The following LYSMD1 variants were observed in gnomAD, a reference collection of about 807,000 sequenced individuals.
LYSMD1 encodes lysM and putative peptidoglycan-binding domain-containing protein 1.
LYSMD1 carries 9 observed loss-of-function variants against 19.3 expected under a neutral mutation model. The ratio of observed to expected loss-of-function variants is 0.47; its 90% CI spans 0.28 to 0.81. The LOEUF (loss-of-function observed/expected upper bound fraction) is 0.81, where lower values mean the gene tolerates loss of function less well. Ranked by LOEUF, LYSMD1 falls within the 40% of genes least tolerant of loss-of-function variation. The pLI, the probability that LYSMD1 is intolerant of heterozygous loss-of-function variation, is 0.11. For synonymous variants in LYSMD1, 111 were observed against 111.7 expected, an observed-to-expected ratio of 0.99 and a Z score of 0.04; for missense variants, 262 against 279.8, an observed-to-expected ratio of 0.94 and a Z score of 0.45.
chr1:151,150,065 A>G, the LYSMD1 span, among the ~76,000 whole-genome samples: 2 of 151,994 alleles, frequency 1.3e-5, no homozygotes, highest in African/African-American at 4.8e-5. Context: ...CTGGTTGTCT[A>G]TCTTGCTCAA....
the LYSMD1 span, among the ~76,000 whole-genome samples, chr1:151,148,721 C>T: frequency 6.6e-6 from 1 of 152,148 alleles, no homozygotes; most frequent in South Asian, 2.1e-4. Flanking sequence ...TCCCGAGGGA[C>T]ACAGCTTCAG....
chr1:151,158,796 G>A (rs747434271), downstream of LYSMD1: 5 of 1,614,118 alleles, frequency 3.1e-6, no homozygotes, highest in East Asian at 4.5e-5. Context: ...TCATAGATGA[G>A]ACAAGCAGTG....
chr1:151,154,496 A>AAG, the LYSMD1 span, among the ~76,000 whole-genome samples: 5 of 146,868 alleles, frequency 3.4e-5, no homozygotes, highest in African/African-American at 1.3e-4. Context: ...AAAAGAAAGA[A>AAG]AGAGAGAGAG....
chr1:151,159,224 G>A, downstream of LYSMD1: 1 of 1,613,480 alleles, frequency 6.2e-7, no homozygotes. Flanking sequence ...GACGGACTCA[G>A]GAAGCTGCTA....
At chr1:151,158,667 G>A, downstream of LYSMD1, 1 of 1,533,410 alleles carries the variant, frequency 6.5e-7, no homozygotes, top group South Asian at 1.2e-5. Flanking sequence ...TTCTTCTAGT[G>A]ACTGACCACA....
Position 151,165,170 on chromosome 1 carries a change from G to T in LYSMD1, c.89C>A (p.Ser30Ter), listed in dbSNP as rs201501688. The change falls in exon 1 of 3, where the codon TCG (serine) becomes TAG (stop). Residue 30 changes from serine to a stop codon, truncating the protein, a stop_gained. Coordinates refer to ENST00000368908, the MANE Select transcript of LYSMD1 (RefSeq NM_212551.5). LOFTEE classifies it high-confidence loss of function. ...RARSYGSLVQ[S>*]ACSPVRERRL... is the part of the protein sequence containing the mutation. ...TCTTTCCCTCACTGGGGAGCAGGCC[G>T]ATTGCACCAGGCTTCCATATGAACG... 1.5e-5 allele frequency: 24 copies of T among 1,614,060 alleles called. No homozygotes were observed. Among genetic ancestry groups the T allele is most frequent in the Non-Finnish European group, 2.0e-5 (24 of 1,180,036 alleles).
chr1:151,151,264 A>G, the LYSMD1 span, among the ~76,000 whole-genome samples: 2 of 151,320 alleles, frequency 1.3e-5, no homozygotes, highest in Admixed American at 1.3e-4. Context: ...CACTCGGCTC[A>G]CTGCAAGTTC....
At chr1:151,159,105 G>C, downstream of LYSMD1, 1 of 1,614,078 alleles carries the variant, frequency 6.2e-7, no homozygotes, top group Non-Finnish European at 8.5e-7. Context: ...ACCACCTCAC[G>C]CCCAAGTCAC....
chr1:151,151,446 G>A, the LYSMD1 span, among the ~76,000 whole-genome samples: 315 of 149,404 alleles, frequency 2.1e-3, no homozygotes, highest in African/African-American at 7.3e-3. Context: ...TGATCCGCCC[G>A]CCTGGGCCTC....
Position 151,160,832 on chromosome 1 carries a change from CT to C in LYSMD1, c.*49del. 6.3e-7 allele frequency: 1 copy of C among 1,588,668 alleles called. No individual in the cohort carries two copies. Among genetic ancestry groups the C allele is most frequent in the Non-Finnish European group, 8.6e-7 (1 of 1,159,964 alleles). Reference sequence around the variant, plus strand: ...AGCCTCACCTCAGGCTCCTCTCCCCCTGAAGTTTCTCTTTCAACATCTTGCT... The same window carrying C: ...AGCCTCACCTCAGGCTCCTCTCCCCCGAAGTTTCTCTTTCAACATCTTGCT... On this transcript the variant is annotated 3_prime_UTR_variant, in exon 3 of 3. Transcript: ENST00000368908.
downstream of LYSMD1, chr1:151,159,164 T>TC (rs751425664): frequency 1.2e-6 from 2 of 1,614,210 alleles, no homozygotes; most frequent in East Asian, 4.5e-5. Flanking sequence ...CCAGGTCTGC[T>TC]CACGGCCCTC....
In LYSMD1 at chr1:151,165,481, C is replaced by T; in HGVS notation, c.-223G>A. 3 of 1,438,230 alleles carry T rather than the reference C, an allele frequency of 2.1e-6. No homozygotes were observed. Among genetic ancestry groups the T allele is most frequent in the Non-Finnish European group, 2.7e-6 (3 of 1,102,452 alleles). The allele number at this position is 1,438,230 out of a possible 1,614,324, so 89.1% of individuals were successfully genotyped here. On this transcript the variant is annotated 5_prime_UTR_variant, in exon 1 of 3. Transcript: ENST00000368908. Reference sequence around the variant, plus strand: ...CTGTCCCTTGAGTATTCAGTCCCTCCCTAATTCTCCCCTAAGCACCCCTCC... The same window carrying T: ...CTGTCCCTTGAGTATTCAGTCCCTCTCTAATTCTCCCCTAAGCACCCCTCC...
the LYSMD1 span, among the ~76,000 whole-genome samples, chr1:151,153,244 T>A: frequency 6.6e-6 from 1 of 152,152 alleles, no homozygotes; most frequent in East Asian, 1.9e-4. Flanking sequence ...TCCTGTAATC[T>A]CAGCACTTTG....
Position 151,165,457 on chromosome 1 carries a change from T to A in LYSMD1, c.-199A>T, listed in dbSNP as rs1683646748. 7.0e-7 allele frequency: 1 copy of A among 1,428,850 alleles called. No homozygotes were observed. Among genetic ancestry groups the A allele is most frequent in the Non-Finnish European group, 9.1e-7 (1 of 1,096,722 alleles). 88.5% of individuals were successfully genotyped at this position (1,428,850 alleles called of 1,614,324 possible). A position where few individuals can be genotyped will look rare whatever the true frequency, so the allele number is the denominator to read the frequency against. ...CCTCCAAGCTACTTATCCACAAATCTGTCCCTTGAGTATTCAGTCCCTCCC... is the reference window on the plus strand; with the variant it reads ...CCTCCAAGCTACTTATCCACAAATCAGTCCCTTGAGTATTCAGTCCCTCCC... On this transcript the variant is annotated 5_prime_UTR_variant, in exon 1 of 3. Coordinates refer to ENST00000368908, the MANE Select transcript of LYSMD1 (RefSeq NM_212551.5).
intron 2 of LYSMD1, 103 bp downstream of exon 2, chr1:151,161,633 C>T: frequency 7.0e-7 from 1 of 1,436,180 alleles, no homozygotes; most frequent in Non-Finnish European, 9.4e-7. Context: ...TATCACCTTG[C>T]CTCTGTTGGC....
In LYSMD1 at chr1:151,160,758, G is replaced by A; in HGVS notation, c.*124C>T. 2.4e-6 allele frequency: 3 copies of A among 1,246,260 alleles called. No individual in the cohort carries two copies. Among genetic ancestry groups the A allele is most frequent in the South Asian group, 1.5e-5 (1 of 65,490 alleles). 77.2% of individuals were successfully genotyped at this position (1,246,260 alleles called of 1,614,324 possible). A position where few individuals can be genotyped will look rare whatever the true frequency, so the allele number is the denominator to read the frequency against. ...GAATTTTTGGCAGACAAGGAGGCTG[G>A]GGAGGATGGCTGGAGTGGAGGGAGG... On this transcript the variant is annotated 3_prime_UTR_variant, in exon 3 of 3. Transcript: ENST00000368908.
In LYSMD1 at chr1:151,165,461, C is replaced by T. The variant is rs894566717; in HGVS notation, c.-203G>A. 2 of 1,436,558 alleles carry T rather than the reference C, an allele frequency of 1.4e-6. No individual in the cohort carries two copies. Among genetic ancestry groups the T allele is most frequent in the African/African-American group, 2.9e-5 (2 of 69,656 alleles). The allele number at this position is 1,436,558 out of a possible 1,614,324, so 89.0% of individuals were successfully genotyped here. A position where few individuals can be genotyped will look rare whatever the true frequency, so the allele number is the denominator to read the frequency against. ...CAAGCTACTTATCCACAAATCTGTC[C>T]CTTGAGTATTCAGTCCCTCCCTAAT... On this transcript the variant is annotated 5_prime_UTR_variant, in exon 1 of 3. Coordinates refer to ENST00000368908, the MANE Select transcript of LYSMD1 (RefSeq NM_212551.5).
At chr1:151,158,815 G>T, downstream of LYSMD1, 1 of 1,614,172 alleles carries the variant, frequency 6.2e-7, no homozygotes, top group Non-Finnish European at 8.5e-7. Flanking sequence ...TGAGGTGCTA[G>T]ATGAGCTCTA....
At chr1:151,158,074 C>T (rs951480501), downstream of LYSMD1, among the ~76,000 whole-genome samples, 16 of 152,258 alleles carry the variant, frequency 1.1e-4, no homozygotes, top group South Asian at 2.5e-3. Context: ...CCTGTATTCC[C>T]GGCACTTTGG....
Sources: allele counts gnomAD v4.1 joint callset (sites outside exome capture counted in the v4.1 genomes callset), GRCh38; gene constraint gnomAD v4.1.1; transcripts MANE v1.5; gene names NCBI Gene and HGNC (gene_info 2026-07-23, HGNC 2026-07-21).